The following MGME1 variants were observed in gnomAD, a reference collection of about 807,000 sequenced individuals.
MGME1 encodes the protein chromosome 20 open reading frame 72.
Under a neutral mutation model 33.0 loss-of-function variants are expected in MGME1, and 22 were observed. The observed-to-expected ratio is 0.67, with a 90% CI of 0.48 to 0.95. The LOEUF is 0.95. MGME1 is among the 40% of genes least tolerant of loss of function. The probability of loss-of-function intolerance (pLI) is 0.00; values close to 1 mark genes in which losing one functional copy is unlikely to be tolerated. For synonymous variants in MGME1, 133 were observed against 144.0 expected (o/e 0.92, Z 0.55); for missense variants, 383 against 397.8 (o/e 0.96, Z 0.32).
intron 3 of MGME1, among the ~76,000 whole-genome samples, chr20:17,977,685 G>A (rs1226659707): frequency 2.0e-5 from 3 of 152,092 alleles, no homozygotes; most frequent in East Asian, 1.9e-4. Context: ...GAATGCCTTC[G>A]TTCTCCAGAT....
upstream of MGME1, chr20:17,968,656 G>A (rs1208446646): frequency 5.0e-6 from 3 of 605,968 alleles, no homozygotes; most frequent in Non-Finnish European, 9.0e-6. Context: ...AGTCCCCGCT[G>A]CCGTCCATCT....
chr20:17,990,416 G>T lies in MGME1; in HGVS notation c.*307G>T, dbSNP rs928769523. The T allele has an allele frequency of 1.4e-5, 5 of 346,032 alleles. No individual in the cohort carries two copies. The Admixed American group carries it at 1.8e-4, about 13-fold the overall frequency. 21.4% of individuals were successfully genotyped at this position (346,032 alleles called of 1,614,324 possible). A position where few individuals can be genotyped will look rare whatever the true frequency, so the allele number is the denominator to read the frequency against. On this transcript the variant is annotated 3_prime_UTR_variant, in exon 5 of 5. Coordinates refer to ENST00000377710, the MANE Select transcript of MGME1 (RefSeq NM_052865.4). ...GTACTCCCTTGAGGGACATTGGGGG[G>T]GGGGGGGCGTGGTCCCAGGCAGGAT...
At chr20:17,970,822 C>T (rs1175729511) in intron 2 of MGME1, among the ~76,000 whole-genome samples, 1 of 152,194 alleles carries the variant, frequency 6.6e-6, no homozygotes, top group Non-Finnish European at 1.5e-5. Flanking sequence ...CAGACCAGAA[C>T]ACATGACCTA....
At chr20:17,968,777 A>C, upstream of MGME1, 1 of 316,734 alleles carries the variant, frequency 3.2e-6, no homozygotes. Context: ...TCTCCCAGCA[A>C]GACGCGTCTA....
chr20:17,983,193 C>A (rs1174618309), intron 3 of MGME1, among the ~76,000 whole-genome samples: 1 of 151,732 alleles, frequency 6.6e-6, no homozygotes, highest in Non-Finnish European at 1.5e-5. Context: ...TTTCACTCAG[C>A]AAAATGTTCA....
intron 2 of MGME1, among the ~76,000 whole-genome samples, chr20:17,973,493 A>G (rs866570527): frequency 6.6e-6 from 1 of 152,056 alleles, no homozygotes; most frequent in African/African-American, 2.4e-5. Context: ...ACAAAAAAAA[A>G]ATTTTTTTGA....
At position 17,984,494 on chromosome 20, in the gene MGME1, T is replaced by C. The variant is rs535813885; in HGVS notation, c.732-3672T>C. Among the ~76,000 whole-genome samples, 20 of 152,250 alleles carry C rather than the reference T, an allele frequency of 1.3e-4. 1 individual carries two copies. The highest frequency in any genetic ancestry group is 1.1e-3 in the Admixed American group (17 of 15,280). Reference sequence around the variant, plus strand: ...TAAACTAACCTCCTATTCAGTCATATAAAAACAGCACATACCATTATGTAC... The same window carrying C: ...TAAACTAACCTCCTATTCAGTCATACAAAAACAGCACATACCATTATGTAC... On this transcript the variant is annotated intron_variant, in intron 3 of 4. Transcript: ENST00000377710.
intron 3 of MGME1, among the ~76,000 whole-genome samples, chr20:17,981,313 C>T (rs2036013900): frequency 6.6e-6 from 1 of 152,184 alleles, no homozygotes; most frequent in Non-Finnish European, 1.5e-5. Flanking sequence ...GAGCCAGCTG[C>T]TTGAGTTTGG....
At chr20:17,974,336 A>C (rs1033995837) in intron 2 of MGME1, among the ~76,000 whole-genome samples, 1 of 152,112 alleles carries the variant, frequency 6.6e-6, no homozygotes, top group African/African-American at 2.4e-5. Flanking sequence ...AAGTGCTGGG[A>C]TTATAGGCAT....
chr20:17,971,037 A>G (rs1354225779), intron 2 of MGME1, among the ~76,000 whole-genome samples: 1 of 152,242 alleles, frequency 6.6e-6, no homozygotes, highest in Non-Finnish European at 1.5e-5. Context: ...TTGTTAAAGG[A>G]AAGTTTCACA....
At chr20:17,989,895 G>T (rs1385851238) in intron 4 of MGME1, 44 bp from the exon 5 acceptor site, 1 of 1,585,676 alleles carries the variant, frequency 6.3e-7, no homozygotes, top group South Asian at 1.1e-5. Context: ...CTAAACTCTG[G>T]ACCTACTGTA....
intron 3 of MGME1, among the ~76,000 whole-genome samples, chr20:17,976,661 T>C (rs983459713): frequency 4.6e-5 from 7 of 152,076 alleles, no homozygotes; most frequent in Admixed American, 1.3e-4. Context: ...TGTTTTGTTT[T>C]GTTTCGTTTT....
At chr20:17,975,554 CAA>C (rs894514527) in intron 2 of MGME1, 128 bp from the exon 3 acceptor site, 8,706 of 534,670 alleles carry the variant, frequency 0.016, no homozygotes, top group Middle Eastern at 0.021. Context: ...AGACTCCATC[CAA>C]AAAAAAAAAA....
rs986178212 is a variant in MGME1 at position 17,990,416 on chromosome 20, G to GT, written c.*307_*308insT. The GT allele has an allele frequency of 1.7e-5, 6 of 346,146 alleles. No homozygotes were observed. Among genetic ancestry groups the GT allele is most frequent in the Admixed American group, 1.4e-4 (3 of 21,654 alleles). The allele number at this position is 346,146 out of a possible 1,614,324, so 21.4% of individuals were successfully genotyped here. A position where few individuals can be genotyped will look rare whatever the true frequency, so the allele number is the denominator to read the frequency against. ...GTACTCCCTTGAGGGACATTGGGGG[G>GT]GGGGGGGCGTGGTCCCAGGCAGGAT... On this transcript the variant is annotated 3_prime_UTR_variant, in exon 5 of 5. Coordinates refer to ENST00000377710, the MANE Select transcript of MGME1 (RefSeq NM_052865.4).
At position 17,970,115 on chromosome 20, in the gene MGME1, A is replaced by T. The variant is rs1454451947; in HGVS notation, c.256A>T (p.Lys86Ter). The change falls in exon 2 of 5, where the codon AAG (lysine) becomes TAG (stop). Residue 86 changes from lysine to a stop codon, truncating the protein, a stop_gained. Coordinates refer to ENST00000377710, the MANE Select transcript of MGME1 (RefSeq NM_052865.4). LOFTEE classifies it high-confidence loss of function. ...GCTCTGTGGACCCGTGAGCAAGCATAAGCTGCCAAACCAAGGTGAGGACAG... is the reference window on the plus strand; with the variant it reads ...GCTCTGTGGACCCGTGAGCAAGCATTAGCTGCCAAACCAAGGTGAGGACAG... ...ALLCGPVSKH[K>*]LPNQGEDRRV... 7.4e-6 allele frequency: 12 copies of T among 1,614,144 alleles called. No individual in the cohort carries two copies. Among genetic ancestry groups the T allele is most frequent in the Non-Finnish European group, 1.0e-5 (12 of 1,180,060 alleles).
At chr20:17,988,663 A>AAC (rs2122628808) in intron 4 of MGME1, among the ~76,000 whole-genome samples, 1 of 151,872 alleles carries the variant, frequency 6.6e-6, no homozygotes, top group East Asian at 1.9e-4. Flanking sequence ...AAAAAAAAAA[A>AAC]AAAAAACTTC....
At chr20:17,973,517 G>C (rs1229400549) in intron 2 of MGME1, among the ~76,000 whole-genome samples, 2 of 151,934 alleles carry the variant, frequency 1.3e-5, no homozygotes, top group Admixed American at 6.6e-5. Context: ...AGCCAGGCGT[G>C]GTGGCACATG....
At chr20:17,985,036 C>CAAAAAA (rs535060718) in intron 3 of MGME1, among the ~76,000 whole-genome samples, 11 of 103,110 alleles carry the variant, frequency 1.1e-4, no homozygotes, top group African/African-American at 2.0e-4. Flanking sequence ...GACTTTGTCT[C>CAAAAAA]AAAAAAAAAA....
chr20:17,972,923 T>C (rs893982257), intron 2 of MGME1, among the ~76,000 whole-genome samples: 10 of 152,218 alleles, frequency 6.6e-5, no homozygotes, highest in Non-Finnish European at 1.3e-4. Flanking sequence ...CTTGTAGGTC[T>C]TTCACGTGTT....
Sources: gnomAD v4.1 joint callset for allele counts (sites outside exome capture counted in the v4.1 genomes callset) on GRCh38, gnomAD v4.1.1 for gene constraint, MANE v1.5 for transcripts, NCBI Gene and HGNC (gene_info 2026-07-23, HGNC 2026-07-21) for gene names.